The following HCN1 variants were observed in gnomAD, a reference collection of about 807,000 sequenced individuals.
The protein encoded by HCN1 is potassium/sodium hyperpolarization-activated cyclic nucleotide-gated channel 1.
HCN1 carries 13 observed loss-of-function variants against 78.9 expected under a neutral mutation model. The observed-to-expected ratio is 0.16, with a 90% CI of 0.11 to 0.26. The LOEUF (loss-of-function observed/expected upper bound fraction) is 0.26. Among genes scored for constraint, HCN1 ranks in the 10% least tolerant of loss-of-function variants. HCN1 has a pLI of 1.00. For missense variants in HCN1, 810 were observed against 1,154.3 expected, an observed-to-expected ratio of 0.70 and a Z score of 4.32; for synonymous variants, 552 against 455.5, an observed-to-expected ratio of 1.21 and a Z score of -2.70.
chr5:45,668,408 A>T (rs1245856075), intron 1 of HCN1, among the ~76,000 whole-genome samples: 2 of 151,860 alleles, frequency 1.3e-5, no homozygotes, highest in Admixed American at 1.3e-4. Context: ...TCCTGCCACC[A>T]CATAAGAAGT....
intron 1 of HCN1, among the ~76,000 whole-genome samples, chr5:45,663,712 C>T (rs1306434029): frequency 5.3e-5 from 8 of 152,138 alleles, no homozygotes; most frequent in African/African-American, 1.9e-4. Flanking sequence ...AAAAAATGCT[C>T]ATCATCACTG....
At chr5:45,541,424 C>A (rs1743106218) in intron 2 of HCN1, among the ~76,000 whole-genome samples, 1 of 152,108 alleles carries the variant, frequency 6.6e-6, no homozygotes, top group Non-Finnish European at 1.5e-5. Context: ...ACCTACCTGG[C>A]CTCAAATCTG....
chr5:45,447,728 T>A (rs1168608864), intron 3 of HCN1, among the ~76,000 whole-genome samples: 1 of 152,156 alleles, frequency 6.6e-6, no homozygotes, highest in African/African-American at 2.4e-5. Flanking sequence ...GTCCAAATAT[T>A]TCATATCAGA....
intron 5 of HCN1, among the ~76,000 whole-genome samples, chr5:45,329,999 G>T (rs1314769563): frequency 6.6e-6 from 1 of 151,272 alleles, no homozygotes; most frequent in African/African-American, 2.4e-5. Flanking sequence ...TTTTCAATTA[G>T]AGATTTTACT....
chr5:45,492,246 C>T (rs1328063353), intron 2 of HCN1, among the ~76,000 whole-genome samples: 1 of 151,048 alleles, frequency 6.6e-6, no homozygotes, highest in Non-Finnish European at 1.5e-5. Context: ...AGGCAGGGAG[C>T]CATTTTTACC....
chr5:45,690,294 C>T (rs745468593), intron 1 of HCN1, among the ~76,000 whole-genome samples: 1 of 151,856 alleles, frequency 6.6e-6, no homozygotes, highest in Non-Finnish European at 1.5e-5. Context: ...GCTTTAACTG[C>T]GTGGTCAACT....
chr5:45,280,743 T>C (rs1430810025), intron 6 of HCN1, among the ~76,000 whole-genome samples: 1 of 152,234 alleles, frequency 6.6e-6, no homozygotes, highest in African/African-American at 2.4e-5. Context: ...AATTATGTTT[T>C]AGATATCAAA....
chr5:45,333,763 T>G (rs529324330), intron 5 of HCN1, among the ~76,000 whole-genome samples: 1 of 151,962 alleles, frequency 6.6e-6, no homozygotes, highest in East Asian at 1.9e-4. Context: ...CAGTATATTT[T>G]CTTGACATCT....
intron 5 of HCN1, among the ~76,000 whole-genome samples, chr5:45,340,429 T>G (rs1469309297): frequency 6.6e-6 from 1 of 152,182 alleles, no homozygotes; most frequent in Non-Finnish European, 1.5e-5. Flanking sequence ...CATGCCTTCT[T>G]AGAATATATG....
chr5:45,276,847 A>G (rs1745070341), intron 6 of HCN1, among the ~76,000 whole-genome samples: 1 of 152,090 alleles, frequency 6.6e-6, no homozygotes, highest in Admixed American at 6.6e-5. Flanking sequence ...TGTAGAAACT[A>G]CATTACACAA....
intron 1 of HCN1, among the ~76,000 whole-genome samples, chr5:45,689,904 A>G (rs1036548181): frequency 6.6e-6 from 1 of 152,146 alleles, no homozygotes; most frequent in East Asian, 1.9e-4. Flanking sequence ...ATATCATAAC[A>G]GGAATGTCAA....
At position 45,377,567 on chromosome 5, in the gene HCN1, A is replaced by G. The variant is rs556443770; in HGVS notation, c.1230+18925T>C. Among the ~76,000 whole-genome samples, 6 of 152,072 alleles carry G rather than the reference A, an allele frequency of 3.9e-5. No homozygotes were observed. The East Asian group carries it at 1.2e-3, about 29-fold the overall frequency. On this transcript the variant is annotated intron_variant, in intron 4 of 7. Transcript: ENST00000303230. ...GCTGAAACTAACCGAGAGCAAAGTT[A>G]ATGACTTTGGTAAGGCCAGTTAAAA...
chr5:45,568,926 T>G (rs569523381), intron 2 of HCN1, among the ~76,000 whole-genome samples: 4 of 152,072 alleles, frequency 2.6e-5, no homozygotes, highest in Non-Finnish European at 5.9e-5. Flanking sequence ...TCTCCTGAAC[T>G]AAGGCTCAGA....
chr5:45,316,511 G>T (rs925749976), intron 5 of HCN1, among the ~76,000 whole-genome samples: 5 of 152,102 alleles, frequency 3.3e-5, no homozygotes, highest in Non-Finnish European at 5.9e-5. Flanking sequence ...CACAAGACAG[G>T]GATGCCCTCT....
chr5:45,422,865 G>A (rs1201209308), intron 3 of HCN1, among the ~76,000 whole-genome samples: 1 of 152,146 alleles, frequency 6.6e-6, no homozygotes, highest in Non-Finnish European at 1.5e-5. Flanking sequence ...TAAAATGATG[G>A]TTACTAGAGA....
intron 4 of HCN1, among the ~76,000 whole-genome samples, chr5:45,382,458 T>C (rs1747829701): frequency 6.6e-6 from 1 of 152,196 alleles, no homozygotes; most frequent in South Asian, 2.1e-4. Context: ...CTCATTATTC[T>C]CTAAATTCTT....
chr5:45,672,776 C>T (rs1746176271), intron 1 of HCN1, among the ~76,000 whole-genome samples: 1 of 151,298 alleles, frequency 6.6e-6, no homozygotes, highest in African/African-American at 2.4e-5. Context: ...TTAATTAATT[C>T]TGCCCTGAGT....
chr5:45,270,457 C>A (rs1321769214), intron 6 of HCN1, among the ~76,000 whole-genome samples: 2 of 152,146 alleles, frequency 1.3e-5, no homozygotes, highest in Non-Finnish European at 2.9e-5. Flanking sequence ...ATTTTATTAA[C>A]AAGAAAGGGC....
intron 3 of HCN1, among the ~76,000 whole-genome samples, chr5:45,397,339 T>C (rs897025612): frequency 4.6e-5 from 7 of 152,204 alleles, no homozygotes; most frequent in African/African-American, 1.7e-4. Flanking sequence ...TGGCTTTTTA[T>C]AAAATAATAA....
Sources: allele counts gnomAD v4.1 joint callset (sites outside exome capture counted in the v4.1 genomes callset), GRCh38; gene constraint gnomAD v4.1.1; transcripts MANE v1.5; gene names NCBI Gene and HGNC (gene_info 2026-07-23, HGNC 2026-07-21).